The following RAB5B variants were observed in gnomAD, a reference collection of about 807,000 sequenced individuals.
RAB5B encodes ras-related protein Rab-5B.
Under a neutral mutation model 28.6 loss-of-function variants are expected in RAB5B, and 11 were observed. The ratio of observed to expected loss-of-function variants is 0.38; its 90% CI spans 0.24 to 0.64. RAB5B has a LOEUF of 0.64. RAB5B is among the 30% of genes least tolerant of loss of function. The pLI is 0.53. For missense variants in RAB5B, 169 were observed against 265.6 expected (o/e 0.64, Z 2.53); for synonymous variants, 93 against 97.9 (o/e 0.95, Z 0.29).
At chr12:55,990,258 A>G in intron 3 of RAB5B, 160 bp downstream of exon 3, 1 of 811,614 alleles carries the variant, frequency 1.2e-6, no homozygotes, top group South Asian at 1.8e-5. Flanking sequence ...AATTACAAAA[A>G]TTAGTTGGGC....
Position 55,990,803 on chromosome 12 carries a change from A to C in RAB5B, c.437A>C (p.Glu146Ala). Residue 146 changes from glutamate to alanine, a missense_variant and splice_region_variant, in exon 4 of 6, where the codon GAA (glutamate) becomes GCA (alanine). Coordinates refer to ENST00000360299, the MANE Select transcript of RAB5B (RefSeq NM_002868.4). ...DLANKRMVEY[E>A]EAQAYADDNS... Reference sequence around the variant, plus strand: ...GCCAACAAACGTATGGTGGAGTATGAAGTAAGGTGGCCCGTGGAGTTCCTC... The same window carrying C: ...GCCAACAAACGTATGGTGGAGTATGCAGTAAGGTGGCCCGTGGAGTTCCTC... 6.2e-7 allele frequency: 1 copy of C among 1,613,708 alleles called. No homozygotes were observed. The highest frequency in any genetic ancestry group is 8.5e-7 in the Non-Finnish European group (1 of 1,179,704).
rs1890283407 is a variant in RAB5B, at chr12:55,995,985, A to ATTTTTTTT, written c.*3774_*3775insTTTTTTTT. The ATTTTTTTT allele has an allele frequency of 1.2e-5, 1 of 86,706 alleles. No individual in the cohort carries two copies. Among genetic ancestry groups the ATTTTTTTT allele is most frequent in the African/African-American group, 5.9e-5 (1 of 16,886 alleles). 5.4% of individuals were successfully genotyped at this position (86,706 alleles called of 1,614,324 possible). On this transcript the variant is annotated 3_prime_UTR_variant, in exon 6 of 6. Coordinates refer to ENST00000360299, the MANE Select transcript of RAB5B (RefSeq NM_002868.4). ...TCTCTCTCTCTCCATATATATATAC[A>ATTTTTTTT]TATATATATATATATATATTTTTTT...
chr12:55,976,377 CTG>C (rs1592791315), intron 1 of RAB5B, among the ~76,000 whole-genome samples: 1 of 152,164 alleles, frequency 6.6e-6, no homozygotes, highest in African/African-American at 2.4e-5. Context: ...GAGGGCTGTA[CTG>C]TGTGTTATTC....
intron 1 of RAB5B, among the ~76,000 whole-genome samples, chr12:55,981,220 C>T (rs1487469773): frequency 1.3e-5 from 2 of 152,096 alleles, no homozygotes; most frequent in Admixed American, 1.3e-4. Flanking sequence ...CGCACCACCA[C>T]ACCCAGCTAA....
intron 4 of RAB5B, chr12:55,991,134 C>T: frequency 1.8e-6 from 1 of 552,114 alleles, no homozygotes; most frequent in Non-Finnish European, 3.2e-6. Flanking sequence ...TTACCCTCTC[C>T]CCTATAATTA....
intron 4 of RAB5B, chr12:55,991,016 G>A: frequency 1.6e-6 from 1 of 620,556 alleles, no homozygotes; most frequent in Non-Finnish European, 2.7e-6. Flanking sequence ...CAGAGGGTTA[G>A]GGAGGTACCA....
In RAB5B at chr12:55,991,341, T is replaced by C. The variant is rs1193138674; in HGVS notation, c.439-19T>C. On this transcript the variant is annotated intron_variant, in intron 4 of 5. Coordinates refer to ENST00000360299, the MANE Select transcript of RAB5B (RefSeq NM_002868.4). ...TCCCACCCTACATTCTGAGCACTAATACATCCCACTCCTTGCAGGAGGCCC... is the reference window on the plus strand; with the variant it reads ...TCCCACCCTACATTCTGAGCACTAACACATCCCACTCCTTGCAGGAGGCCC... 1 of 1,591,058 alleles carries C rather than the reference T, an allele frequency of 6.3e-7. No homozygotes were observed. Among genetic ancestry groups the C allele is most frequent in the Admixed American group, 1.7e-5 (1 of 59,958 alleles).
At chr12:55,991,612 C>G (rs983070968) in intron 5 of RAB5B, 159 bp downstream of exon 5, 2 of 588,240 alleles carry the variant, frequency 3.4e-6, no homozygotes, top group African/African-American at 3.7e-5. Context: ...TTGGCTGCAG[C>G]TTTAGCTCCC....
In RAB5B at chr12:55,990,692, C is replaced by A. The variant is rs765629876; in HGVS notation, c.326C>A (p.Ala109Asp). 6.2e-7 allele frequency: 1 copy of A among 1,613,618 alleles called. No homozygotes were observed. Among genetic ancestry groups the A allele is most frequent in the Admixed American group, 1.7e-5 (1 of 60,004 alleles). The change falls in exon 4 of 6, where the codon GCC becomes GAC. Residue 109 changes from alanine (A) to aspartate (D), a missense_variant. Coordinates refer to ENST00000360299, the MANE Select transcript of RAB5B (RefSeq NM_002868.4). ...VYDITNQETF[A>D]RAKTWVKELQ... ...TTCATGTTTTCCTAGGAAACCTTTGCCCGAGCAAAGACATGGGTGAAGGAA... is the reference window on the plus strand; with the variant it reads ...TTCATGTTTTCCTAGGAAACCTTTGACCGAGCAAAGACATGGGTGAAGGAA...
chr12:55,992,564 C>A lies in RAB5B; in HGVS notation c.*352C>A, dbSNP rs1350667993. 2.1e-6 allele frequency: 1 copy of A among 474,532 alleles called. No homozygotes were observed. The allele number at this position is 474,532 out of a possible 1,614,324, so 29.4% of individuals were successfully genotyped here. On this transcript the variant is annotated 3_prime_UTR_variant, in exon 6 of 6. Coordinates refer to ENST00000360299, the MANE Select transcript of RAB5B (RefSeq NM_002868.4). ...CTCCCCATTTTTTCAGAAAACACTT[C>A]TGACTCCTGTCCCTTCCCCTTCTGC...
In RAB5B at chr12:55,996,003, A is replaced by ATATATATATTTTTTTTTTTTTTT; in HGVS notation, c.*3792_*3793insATATATATTTTTTTTTTTTTTTT. 6.2e-5 allele frequency: 6 copies of ATATATATATTTTTTTTTTTTTTT among 97,400 alleles called. No homozygotes were observed. Among genetic ancestry groups the ATATATATATTTTTTTTTTTTTTT allele is most frequent in the African/African-American group, 2.8e-4 (6 of 21,142 alleles). 6.0% of individuals were successfully genotyped at this position (97,400 alleles called of 1,614,324 possible). A position where few individuals can be genotyped will look rare whatever the true frequency, so the allele number is the denominator to read the frequency against. On this transcript the variant is annotated 3_prime_UTR_variant, in exon 6 of 6. Coordinates refer to ENST00000360299, the MANE Select transcript of RAB5B (RefSeq NM_002868.4). ...TATATACATATATATATATATATATATTTTTTTTTTAACAACTGGTAGGAT... is the reference window on the plus strand; with the variant it reads ...TATATACATATATATATATATATATATATATATATTTTTTTTTTTTTTTTTTTTTTTTTAACAACTGGTAGGAT...
chr12:55,975,509 G>A (rs923161608), intron 1 of RAB5B, among the ~76,000 whole-genome samples: 1 of 152,020 alleles, frequency 6.6e-6, no homozygotes, highest in Non-Finnish European at 1.5e-5. Context: ...AGCACTTTGG[G>A]AGGCTGAGAC....
rs1890205010 is a variant in RAB5B, at chr12:55,993,714, T to C, written c.*1502T>C. 6.6e-6 allele frequency: 1 copy of C among 152,580 alleles called. No homozygotes were observed. The highest frequency in any genetic ancestry group is 6.6e-5 in the Admixed American group (1 of 15,264). The allele number at this position is 152,580 out of a possible 1,614,324, so 9.5% of individuals were successfully genotyped here. On this transcript the variant is annotated 3_prime_UTR_variant, in exon 6 of 6. Coordinates refer to ENST00000360299, the MANE Select transcript of RAB5B (RefSeq NM_002868.4). ...TTAATCCCCCCATCCCTCCCCATCA[T>C]GCAACCAGTGGTTTAATCCATGTAC...
rs964587935 is a variant in RAB5B, at chr12:55,990,875, CCT to C, written c.438+76_438+77del. 4 of 1,573,098 alleles carry C rather than the reference CCT, an allele frequency of 2.5e-6. No homozygotes were observed. In the African/African-American group the frequency reaches 5.4e-5, roughly 21 times the overall value. On this transcript the variant is annotated intron_variant, in intron 4 of 5. Coordinates refer to ENST00000360299, the MANE Select transcript of RAB5B (RefSeq NM_002868.4). The stretch of plus-strand genomic sequence containing the variant: ...GGGACCTCTTTTTTTCCAAACCAGC[CCT>C]CTCTGAAAACGTCAACAGAGGACAT...
At chr12:55,980,546 C>T (rs1171551677) in intron 1 of RAB5B, 2 of 1,592,650 alleles carry the variant, frequency 1.3e-6, no homozygotes, top group Admixed American at 3.3e-5. Flanking sequence ...GGCCAGGGAA[C>T]TAAAAGCCTC....
chr12:55,977,709 AC>A (rs1335393622), intron 1 of RAB5B, among the ~76,000 whole-genome samples: 2 of 152,076 alleles, frequency 1.3e-5, no homozygotes, highest in East Asian at 3.9e-4. Context: ...ATACCATAAA[AC>A]CCTACATGGT....
chr12:55,993,624 C>T lies in RAB5B; in HGVS notation c.*1412C>T, dbSNP rs150189189. The T allele has an allele frequency of 6.5e-6, 1 of 152,798 alleles. No homozygotes were observed. Among genetic ancestry groups the T allele is most frequent in the East Asian group, 1.9e-4 (1 of 5,192 alleles). 9.5% of individuals were successfully genotyped at this position (152,798 alleles called of 1,614,324 possible). Reference sequence around the variant, plus strand: ...CCCACTGTACAGTCTGTTCTATCCTCTGCCTCCCATCAGGCCCTGTTTCTT... The same window carrying T: ...CCCACTGTACAGTCTGTTCTATCCTTTGCCTCCCATCAGGCCCTGTTTCTT... On this transcript the variant is annotated 3_prime_UTR_variant, in exon 6 of 6. Coordinates refer to ENST00000360299, the MANE Select transcript of RAB5B (RefSeq NM_002868.4).
chr12:55,981,509 C>T (rs1263293645), intron 1 of RAB5B, among the ~76,000 whole-genome samples: 3 of 152,072 alleles, frequency 2.0e-5, no homozygotes, highest in African/African-American at 4.8e-5. Flanking sequence ...GCTATATATA[C>T]CGAGAACTCT....
At position 55,992,196 on chromosome 12, in the gene RAB5B, A is replaced by G. The variant is rs1371992452; in HGVS notation, c.632A>G (p.Gln211Arg). 5 of 1,613,786 alleles carry G rather than the reference A, an allele frequency of 3.1e-6. No homozygotes were observed. In the Admixed American group the frequency reaches 5.0e-5, roughly 16 times the overall value. ...LHEQSQQNKS[Q>R]CCSN ...GAACAGTCCCAGCAGAACAAGAGCC[A>G]GTGTTGTAGCAACTGAGGGGGTGGC... The change falls in exon 6 of 6, where the codon CAG becomes CGG. Residue 211 changes from glutamine (Q) to arginine (R), a missense_variant. Gln to Arg is a conservative substitution (Grantham distance 43). Around this residue, in one of 3 missense-constraint regions of RAB5B, gnomAD observed 123 missense variants for 162.4 expected, o/e 0.76. Coordinates refer to ENST00000360299, the MANE Select transcript of RAB5B (RefSeq NM_002868.4).
Sources: allele counts gnomAD v4.1 joint callset (sites outside exome capture counted in the v4.1 genomes callset), GRCh38; gene constraint gnomAD v4.1.1; regional missense constraint gnomAD v4.1.1; transcripts MANE v1.5; gene names NCBI Gene and HGNC (gene_info 2026-07-23, HGNC 2026-07-21).